The following PRPF18 variants were observed in gnomAD, a reference collection of about 807,000 sequenced individuals.
The protein encoded by PRPF18 is pre-mRNA processing factor 18.
In PRPF18, 38 loss-of-function variants were observed where a neutral mutation model predicts 46.5. The observed-to-expected ratio is 0.82, with a 90% CI of 0.63 to 1.07. PRPF18 has a LOEUF of 1.07. Among genes scored for constraint, PRPF18 ranks in the 50% least tolerant of loss-of-function variants. The pLI is 0.00. For synonymous variants in PRPF18, 152 were observed against 146.7 expected (o/e 1.04, Z -0.26); for missense variants, 263 against 410.0 (o/e 0.64, Z 3.10).
intron 5 of PRPF18, 42 bp downstream of exon 5, chr10:13,610,227 T>G: frequency 6.3e-7 from 1 of 1,585,364 alleles, no homozygotes; most frequent in Non-Finnish European, 8.6e-7. Flanking sequence ...GGCACCCTTC[T>G]TTTTCCTCTG....
chr10:13,621,790 T>C (rs1484523421), intron 9 of PRPF18, among the ~76,000 whole-genome samples: 1 of 152,208 alleles, frequency 6.6e-6, no homozygotes, highest in African/African-American at 2.4e-5. Context: ...TCCTATAATA[T>C]TATTCTCTGG....
chr10:13,654,302 C>T, the PRPF18 span: 1 of 774,136 alleles, frequency 1.3e-6, no homozygotes, highest in Non-Finnish European at 2.3e-6. Context: ...AAGACACCTC[C>T]CAGTGATGAA....
chr10:13,638,943 T>C, the PRPF18 span: 2 of 152,336 alleles, frequency 1.3e-5, no homozygotes, highest in East Asian at 1.9e-4. Context: ...GTTTCCATTA[T>C]ATTCTGCTGA....
In PRPF18 at chr10:13,630,514, T is replaced by C; in HGVS notation, c.*174T>C. 2.4e-6 allele frequency: 1 copy of C among 418,274 alleles called. No homozygotes were observed. The highest frequency in any genetic ancestry group is 4.3e-6 in the Non-Finnish European group (1 of 234,124). 25.9% of individuals were successfully genotyped at this position (418,274 alleles called of 1,614,324 possible). A position where few individuals can be genotyped will look rare whatever the true frequency, so the allele number is the denominator to read the frequency against. On this transcript the variant is annotated 3_prime_UTR_variant, in exon 10 of 10. Coordinates refer to ENST00000378572, the MANE Select transcript of PRPF18 (RefSeq NM_003675.4). ...ACTTTGTTGGCCTTCATTTCATATC[T>C]GACTGCAAGCTGATTTTTCTTTCTT... is the stretch of plus-strand genomic sequence containing the variant.
chr10:13,597,568 A>C, intron 2 of PRPF18, 33 bp downstream of exon 2: 1 of 1,598,290 alleles, frequency 6.3e-7, no homozygotes, highest in Non-Finnish European at 8.6e-7. Flanking sequence ...TAAATTGTAC[A>C]TTTCTGAGTT....
At chr10:13,645,881 A>G in the PRPF18 span, 1 of 152,682 alleles carries the variant, frequency 6.5e-6, no homozygotes, top group African/African-American at 2.4e-5. Context: ...AACGAAAATG[A>G]AACACCTTGT....
chr10:13,635,377 A>G (rs897846433), downstream of PRPF18, among the ~76,000 whole-genome samples: 3 of 152,190 alleles, frequency 2.0e-5, no homozygotes, highest in Non-Finnish European at 4.4e-5. Flanking sequence ...TGTCTTTATA[A>G]TAGAATGATT....
At chr10:13,655,358 G>C in the PRPF18 span, 1 of 151,870 alleles carries the variant, frequency 6.6e-6, no homozygotes, top group Non-Finnish European at 1.5e-5. Flanking sequence ...TTTACAAAAC[G>C]TTGGTTCTTT....
In PRPF18 at chr10:13,630,395, A is replaced by G; in HGVS notation, c.*55A>G. On this transcript the variant is annotated 3_prime_UTR_variant, in exon 10 of 10. Coordinates refer to ENST00000378572, the MANE Select transcript of PRPF18 (RefSeq NM_003675.4). ...AGAAACTTAGGGAAGCAGGCTGTGG[A>G]CTTCTGGAATTACCAACAGGAATGA... 7.1e-7 allele frequency: 1 copy of G among 1,408,026 alleles called. No individual in the cohort carries two copies. The highest frequency in any genetic ancestry group is 1.2e-5 in the South Asian group (1 of 80,662). 87.2% of individuals were successfully genotyped at this position (1,408,026 alleles called of 1,614,324 possible).
At position 13,621,390 on chromosome 10, in the gene PRPF18, C is replaced by T. The variant is rs190298732; in HGVS notation, c.948+4837C>T. Among the ~76,000 whole-genome samples, 26 of 152,266 alleles carry T rather than the reference C, an allele frequency of 1.7e-4. No individual in the cohort carries two copies. The East Asian group carries it at 4.3e-3, about 25-fold the overall frequency. The stretch of plus-strand genomic sequence containing the variant: ...AGGGTATTGATTTTCCCAACTTGCT[C>T]CCTGGAGGGGCCCCTAGGGTGACTG... On this transcript the variant is annotated intron_variant, in intron 9 of 9. Transcript: ENST00000378572.
At chr10:13,597,304 A>G (rs538982673) in intron 1 of PRPF18, among the ~76,000 whole-genome samples, 154 bp from the exon 2 acceptor site, 5 of 152,334 alleles carry the variant, frequency 3.3e-5, no homozygotes, top group East Asian at 3.9e-4. Context: ...TGGGGAATCA[A>G]TGTATTCATC....
chr10:13,637,347 T>C, the PRPF18 span, among the ~76,000 whole-genome samples: 1 of 152,226 alleles, frequency 6.6e-6, no homozygotes, highest in Non-Finnish European at 1.5e-5. Flanking sequence ...ATATATCCTC[T>C]GTCATTTTCA....
intron 4 of PRPF18, 108 bp from the exon 5 acceptor site, chr10:13,609,931 T>G (rs144092530): frequency 2.4e-6 from 3 of 1,240,524 alleles, no homozygotes; most frequent in Middle Eastern, 2.1e-4. Flanking sequence ...TGCTGAACTC[T>G]TCTTGTGGGG....
chr10:13,627,787 A>G (rs1346027684), intron 9 of PRPF18, among the ~76,000 whole-genome samples: 3 of 152,218 alleles, frequency 2.0e-5, no homozygotes, highest in African/African-American at 7.2e-5. Flanking sequence ...GTCTTCTGTA[A>G]GGAGCACACA....
chr10:13,652,426 C>CAGAAAAGTTGGAAGATGT, the PRPF18 span: 1 of 168,264 alleles, frequency 5.9e-6, no homozygotes, highest in African/African-American at 2.4e-5. Flanking sequence ...GGGCATGATT[C>CAGAAAAGTTGGAAGATGT]AGAAAAGTTG....
intron 5 of PRPF18, 122 bp from the exon 6 acceptor site, chr10:13,611,493 T>C: frequency 1.3e-6 from 1 of 761,628 alleles, no homozygotes; most frequent in South Asian, 1.9e-5. Flanking sequence ...TTCCATCCGA[T>C]TTTTAAGTAA....
At chr10:13,639,248 G>T in the PRPF18 span, 1 of 152,212 alleles carries the variant, frequency 6.6e-6, no homozygotes, top group Non-Finnish European at 1.5e-5. Flanking sequence ...GAGTTCTTCT[G>T]CCCTGTCATC....
chr10:13,592,113 C>T lies in PRPF18; in HGVS notation c.66+4961C>T, dbSNP rs1415029543. ...CTCGTACTTAGCGGCTGAGTACTTC[C>T]TCTTATACACAGCTTTTCTGGAATA... On this transcript the variant is annotated intron_variant, in intron 1 of 9. Coordinates refer to ENST00000378572, the MANE Select transcript of PRPF18 (RefSeq NM_003675.4). The T allele has an allele frequency of 6.9e-6, 4 of 583,508 alleles. No individual in the cohort carries two copies. The African/African-American group carries it at 7.6e-5, about 11-fold the overall frequency. The allele number at this position is 583,508 out of a possible 1,614,324, so 36.1% of individuals were successfully genotyped here. A position where few individuals can be genotyped will look rare whatever the true frequency, so the allele number is the denominator to read the frequency against.
At chr10:13,646,799 A>G in the PRPF18 span, 1 of 154,010 alleles carries the variant, frequency 6.5e-6, no homozygotes, top group African/African-American at 2.4e-5. Context: ...GGGGGAGGGA[A>G]TGCGGAGACA....
Sources: gnomAD v4.1 joint callset for allele counts (sites outside exome capture counted in the v4.1 genomes callset) on GRCh38, gnomAD v4.1.1 for gene constraint, MANE v1.5 for transcripts, NCBI Gene and HGNC (gene_info 2026-07-23, HGNC 2026-07-21) for gene names.